ST6GALNAC3: variants seen among roughly 807,000 people sequenced by gnomAD.
ST6GALNAC3 encodes alpha-N-acetylgalactosaminide alpha-2,6-sialyltransferase 3.
ST6GALNAC3 carries 25 observed loss-of-function variants against 32.7 expected under a neutral mutation model. The observed-to-expected ratio is 0.76, with a 90% CI of 0.56 to 1.07. ST6GALNAC3 has a LOEUF of 1.07. Among genes scored for constraint, ST6GALNAC3 ranks in the 50% least tolerant of loss-of-function variants. The probability of loss-of-function intolerance (pLI) is 0.00; values close to 1 mark genes in which losing one functional copy is unlikely to be tolerated. For synonymous variants in ST6GALNAC3, 129 were observed against 133.1 expected, an observed-to-expected ratio of 0.97 and a Z score of 0.21; for missense variants, 355 against 382.4, an observed-to-expected ratio of 0.93 and a Z score of 0.60.
chr1:76,394,373 A>G (rs1652783213), intron 2 of ST6GALNAC3, among the ~76,000 whole-genome samples: 1 of 152,208 alleles, frequency 6.6e-6, no homozygotes, highest in Non-Finnish European at 1.5e-5. Context: ...AAATTATACA[A>G]TTACATATCT....
At chr1:76,193,602 A>C (rs59372100) in intron 1 of ST6GALNAC3, among the ~76,000 whole-genome samples, 12,793 of 152,202 alleles carry the variant, frequency 0.084, 597 homozygotes, top group African/African-American at 0.12. Context: ...GGAATGAATA[A>C]TAATAATACT....
intron 1 of ST6GALNAC3, among the ~76,000 whole-genome samples, chr1:76,145,132 C>T (rs1282090806): frequency 6.6e-6 from 1 of 152,170 alleles, no homozygotes; most frequent in African/African-American, 2.4e-5. Flanking sequence ...TGTCACCAAC[C>T]CTCACACTGT....
At chr1:76,521,298 TAC>T (rs1043877016) in intron 3 of ST6GALNAC3, among the ~76,000 whole-genome samples, 11 of 145,032 alleles carry the variant, frequency 7.6e-5, no homozygotes, top group Non-Finnish European at 1.6e-4. Context: ...TATATATATA[TAC>T]ACACACACAC....
chr1:76,278,245 G>A (rs1659290362), intron 1 of ST6GALNAC3, among the ~76,000 whole-genome samples: 1 of 127,362 alleles, frequency 7.9e-6, no homozygotes, highest in South Asian at 2.3e-4. Context: ...TTTTGAGATG[G>A]AGTCTCGCTC....
At chr1:76,250,868 T>C (rs188833284) in intron 1 of ST6GALNAC3, among the ~76,000 whole-genome samples, 2 of 152,320 alleles carry the variant, frequency 1.3e-5, no homozygotes, top group East Asian at 3.9e-4. Context: ...TGACTTAGCA[T>C]ATTCTGACTT....
At chr1:76,487,208 A>G (rs576218722) in intron 3 of ST6GALNAC3, among the ~76,000 whole-genome samples, 1 of 151,992 alleles carries the variant, frequency 6.6e-6, no homozygotes, top group East Asian at 1.9e-4. Context: ...TATGTCTTGG[A>G]GTTTCTCTTC....
rs75303920 is a variant in ST6GALNAC3 at position 76,186,286 on chromosome 1, G to A, written c.18+111402G>A. ...AGTTTCTCCATAAAGACCTCCTGCC[G>A]TGGATTCTCATCCACTTCTTTGAGC... On this transcript the variant is annotated intron_variant, in intron 1 of 4. Transcript: ENST00000328299. Among the ~76,000 whole-genome samples the A allele has an allele frequency of 3.0e-3, 461 of 152,264 alleles. 7 individuals are homozygous for A. In the East Asian group the frequency reaches 0.044, roughly 15 times the overall value.
At chr1:76,193,209 C>T (rs1200491855) in intron 1 of ST6GALNAC3, among the ~76,000 whole-genome samples, 5 of 152,154 alleles carry the variant, frequency 3.3e-5, no homozygotes, top group Non-Finnish European at 7.4e-5. Context: ...GTCTAGATCC[C>T]ACTTTCTCAA....
intron 2 of ST6GALNAC3, among the ~76,000 whole-genome samples, chr1:76,318,213 A>G (rs1188471284): frequency 6.6e-6 from 1 of 152,160 alleles, no homozygotes; most frequent in Non-Finnish European, 1.5e-5. Flanking sequence ...GAAAACTGTG[A>G]TGACTATTAT....
intron 1 of ST6GALNAC3, among the ~76,000 whole-genome samples, chr1:76,139,061 G>T (rs1650134469): frequency 6.6e-6 from 1 of 152,118 alleles, no homozygotes; most frequent in African/African-American, 2.4e-5. Flanking sequence ...GGGCGTGGTG[G>T]CAGACGCCTG....
intron 3 of ST6GALNAC3, among the ~76,000 whole-genome samples, chr1:76,522,085 TA>T (rs55954462): frequency 0.33 from 45,681 of 140,464 alleles, 7,666 homozygotes; most frequent in African/African-American, 0.44. Context: ...ACTCCATTTC[TA>T]AAAAAAAAAA....
rs189902508 is a variant in ST6GALNAC3 at position 76,243,560 on chromosome 1, T to G, written c.19-70245T>G. ...TGTCCTGAATGGTACTGCCTAGGTT[T>G]TCTTCTAGGTTTTTTATGGTTTGGG... On this transcript the variant is annotated intron_variant, in intron 1 of 4. Transcript: ENST00000328299. 3.7e-4 allele frequency among the ~76,000 whole-genome samples: 57 copies of G among 152,350 alleles called. 1 individual carries two copies. Among genetic ancestry groups the G allele is most frequent in the Admixed American group, 1.6e-3 (25 of 15,310 alleles).
At chr1:76,492,707 A>G (rs1223584958) in intron 3 of ST6GALNAC3, among the ~76,000 whole-genome samples, 1 of 152,210 alleles carries the variant, frequency 6.6e-6, no homozygotes, top group African/African-American at 2.4e-5. Flanking sequence ...TGAGGGAAAT[A>G]CTGAGCAAGA....
chr1:76,136,885 A>G (rs546556293), intron 1 of ST6GALNAC3, among the ~76,000 whole-genome samples: 1 of 152,346 alleles, frequency 6.6e-6, no homozygotes, highest in South Asian at 2.1e-4. Flanking sequence ...TCTCATACAA[A>G]TCCCAGTAAC....
intron 1 of ST6GALNAC3, among the ~76,000 whole-genome samples, chr1:76,157,754 A>G (rs1189354941): frequency 6.6e-6 from 1 of 152,244 alleles, no homozygotes; most frequent in Non-Finnish European, 1.5e-5. Context: ...ACAGTAATGT[A>G]CAGAATAACT....
chr1:76,544,889 A>G (rs1664197395), intron 3 of ST6GALNAC3, among the ~76,000 whole-genome samples: 1 of 152,248 alleles, frequency 6.6e-6, no homozygotes, highest in Non-Finnish European at 1.5e-5. Context: ...GCATCTTTCC[A>G]TGAAAGGGAT....
chr1:76,295,702 A>G (rs932688712), intron 1 of ST6GALNAC3, among the ~76,000 whole-genome samples: 1 of 152,112 alleles, frequency 6.6e-6, no homozygotes, highest in Non-Finnish European at 1.5e-5. Flanking sequence ...ATGAAGACCC[A>G]AAGACACAGT....
chr1:76,227,488 A>G (rs1570503646), intron 1 of ST6GALNAC3, among the ~76,000 whole-genome samples: 1 of 152,318 alleles, frequency 6.6e-6, no homozygotes, highest in Admixed American at 6.5e-5. Flanking sequence ...CTTTATCACC[A>G]ACTTGGTGCC....
intron 1 of ST6GALNAC3, among the ~76,000 whole-genome samples, chr1:76,135,259 C>G (rs1394179871): frequency 6.6e-6 from 1 of 152,176 alleles, no homozygotes; most frequent in Non-Finnish European, 1.5e-5. Context: ...TGTTCCTACT[C>G]TGTTTTATGT....
Sources: allele counts gnomAD v4.1 joint callset (sites outside exome capture counted in the v4.1 genomes callset), GRCh38; gene constraint gnomAD v4.1.1; transcripts MANE v1.5; gene names NCBI Gene and HGNC (gene_info 2026-07-23, HGNC 2026-07-21).